The following RALYL variants were observed in gnomAD, a reference collection of about 807,000 sequenced individuals.
RALYL encodes the protein RNA-binding Raly-like protein.
Under a neutral mutation model 35.1 loss-of-function variants are expected in RALYL, and 29 were observed. That is an observed-to-expected ratio of 0.83 (90% CI 0.61 to 1.13). The LOEUF (loss-of-function observed/expected upper bound fraction) is 1.13, where lower values mean the gene tolerates loss of function less well. RALYL is among the 50% of genes most tolerant of loss of function. The pLI is 0.00. For missense variants in RALYL, 359 were observed against 360.4 expected (o/e 1.00, Z 0.03); for synonymous variants, 120 against 127.6 (o/e 0.94, Z 0.40).
chr8:84,202,368 T>A (rs112475313), intron 1 of RALYL, among the ~76,000 whole-genome samples: 843 of 69,634 alleles, frequency 0.012, 9 homozygotes, highest in African/African-American at 0.077. Flanking sequence ...ATTGAAGGGA[T>A]TTTTTTTTTT....
intron 1 of RALYL, among the ~76,000 whole-genome samples, chr8:84,502,609 A>T (rs1202348510): frequency 1.3e-5 from 2 of 152,184 alleles, no homozygotes; most frequent in Non-Finnish European, 2.9e-5. Flanking sequence ...AGAAAATATG[A>T]CAAGAGTTAA....
chr8:84,660,711 T>C (rs1830741686), intron 2 of RALYL, among the ~76,000 whole-genome samples: 1 of 152,004 alleles, frequency 6.6e-6, no homozygotes, highest in African/African-American at 2.4e-5. Flanking sequence ...AACTTCCACT[T>C]TGATATTGTT....
intron 1 of RALYL, among the ~76,000 whole-genome samples, chr8:84,310,708 A>T (rs1224969728): frequency 1.3e-5 from 2 of 152,154 alleles, no homozygotes; most frequent in African/African-American, 2.4e-5. Flanking sequence ...ATTTGATAGA[A>T]TTTTTTGTAA....
intron 3 of RALYL, among the ~76,000 whole-genome samples, chr8:84,783,693 A>G (rs112336378): frequency 1.4e-4 from 21 of 152,340 alleles, no homozygotes; most frequent in African/African-American, 5.1e-4. Context: ...CAAAGCTGAC[A>G]AAATGCCAAT....
chr8:84,847,460 G>A (rs1834907227), intron 4 of RALYL, among the ~76,000 whole-genome samples: 1 of 152,046 alleles, frequency 6.6e-6, no homozygotes, highest in Non-Finnish European at 1.5e-5. Flanking sequence ...CTTTAAGTAT[G>A]TAGGTTTAGT....
chr8:84,364,993 G>A (rs940839365), intron 1 of RALYL, among the ~76,000 whole-genome samples: 1 of 151,906 alleles, frequency 6.6e-6, no homozygotes, highest in African/African-American at 2.4e-5. Flanking sequence ...GCATTTTGTT[G>A]CATAAATATC....
intron 1 of RALYL, among the ~76,000 whole-genome samples, chr8:84,372,749 T>C (rs1291925643): frequency 1.3e-5 from 2 of 152,046 alleles, no homozygotes; most frequent in Middle Eastern, 3.4e-3. Context: ...AGTTATGGGA[T>C]TGCTGAGTTA....
chr8:84,226,393 G>C (rs960965996), intron 1 of RALYL, among the ~76,000 whole-genome samples: 7 of 151,970 alleles, frequency 4.6e-5, no homozygotes, highest in Non-Finnish European at 8.8e-5. Flanking sequence ...TTTCTTTTTT[G>C]GTTGTTTGTT....
At chr8:84,907,376 T>G (rs1296487661) in intron 8 of RALYL, among the ~76,000 whole-genome samples, 1 of 152,006 alleles carries the variant, frequency 6.6e-6, no homozygotes, top group African/African-American at 2.4e-5. Flanking sequence ...AGGATTTTTA[T>G]TTTATTCCAA....
At chr8:84,840,978 G>T (rs1237897210) in intron 4 of RALYL, among the ~76,000 whole-genome samples, 1 of 152,100 alleles carries the variant, frequency 6.6e-6, no homozygotes, top group African/African-American at 2.4e-5. Flanking sequence ...CACTAAACAT[G>T]GAAAGGAACA....
At chr8:84,605,687 G>T (rs552202300) in intron 2 of RALYL, among the ~76,000 whole-genome samples, 89 of 152,158 alleles carry the variant, frequency 5.8e-4, no homozygotes, top group Middle Eastern at 3.4e-3. Context: ...GTAGTGCCAT[G>T]GGCATGCCCT....
intron 1 of RALYL, among the ~76,000 whole-genome samples, chr8:84,437,174 C>T (rs2047828050): frequency 6.6e-6 from 1 of 152,100 alleles, no homozygotes. Context: ...CCAGCTGCAT[C>T]CATGTTGCTG....
intron 1 of RALYL, among the ~76,000 whole-genome samples, chr8:84,301,372 A>T (rs1312347039): frequency 6.6e-6 from 1 of 152,032 alleles, no homozygotes; most frequent in Non-Finnish European, 1.5e-5. Flanking sequence ...TGGGAAAGTC[A>T]TCTTTTATAG....
intron 2 of RALYL, among the ~76,000 whole-genome samples, chr8:84,596,910 A>G (rs1564206335): frequency 6.6e-6 from 1 of 152,136 alleles, no homozygotes; most frequent in African/African-American, 2.4e-5. Context: ...TCAATAGAGC[A>G]GAAAGGGGGA....
intron 1 of RALYL, among the ~76,000 whole-genome samples, chr8:84,429,954 T>G (rs563189798): frequency 6.6e-6 from 1 of 151,550 alleles, no homozygotes; most frequent in Non-Finnish European, 1.5e-5. Context: ...CATTTTACTC[T>G]GAAAGGTGCA....
intron 1 of RALYL, among the ~76,000 whole-genome samples, chr8:84,523,838 C>T (rs1456566144): frequency 6.6e-6 from 1 of 152,028 alleles, no homozygotes; most frequent in Non-Finnish European, 1.5e-5. Flanking sequence ...CTACAAAGGA[C>T]ATGAACTCAT....
At chr8:84,279,786 T>C (rs1301369295) in intron 1 of RALYL, among the ~76,000 whole-genome samples, 1 of 152,174 alleles carries the variant, frequency 6.6e-6, no homozygotes, top group Non-Finnish European at 1.5e-5. Context: ...TTTACCTTCT[T>C]GCCTCCCTCT....
intron 2 of RALYL, among the ~76,000 whole-genome samples, chr8:84,701,210 TC>T (rs1589093146): frequency 6.6e-6 from 1 of 152,164 alleles, no homozygotes. Flanking sequence ...AGATATCACT[TC>T]CTATCACTCT....
intron 6 of RALYL, among the ~76,000 whole-genome samples, chr8:84,867,293 C>A (rs1839348951): frequency 6.6e-6 from 1 of 152,208 alleles, no homozygotes; most frequent in South Asian, 2.1e-4. Context: ...ATGGGACTTA[C>A]ACTTTTCTGC....
Sources: gnomAD v4.1 joint callset for allele counts (sites outside exome capture counted in the v4.1 genomes callset) on GRCh38, gnomAD v4.1.1 for gene constraint, MANE v1.5 for transcripts, NCBI Gene and HGNC (gene_info 2026-07-23, HGNC 2026-07-21) for gene names.